Variants in PRKG1 observed in about 807,000 individuals in gnomAD.
PRKG1 encodes cGMP-dependent protein kinase 1.
In PRKG1, 35 loss-of-function variants were observed where a neutral mutation model predicts 88.1. That is an observed-to-expected ratio of 0.40 (90% CI 0.30 to 0.53). PRKG1 has a LOEUF of 0.53. Ranked by LOEUF, PRKG1 falls within the 20% of genes least tolerant of loss-of-function variation. The pLI, the probability that PRKG1 is intolerant of heterozygous loss-of-function variation, is 0.59. For missense variants in PRKG1, 540 were observed against 839.8 expected (o/e 0.64, Z 4.41); for synonymous variants, 303 against 292.5 (o/e 1.04, Z -0.37).
chr10:51,049,863 G>A (rs980355776), intron 1 of PRKG1, among the ~76,000 whole-genome samples: 7 of 151,962 alleles, frequency 4.6e-5, no homozygotes, highest in South Asian at 2.1e-4. Context: ...AATAAAATCC[G>A]AAAGTACCCA....
At chr10:51,851,563 T>G (rs1189115247) in intron 4 of PRKG1, among the ~76,000 whole-genome samples, 3 of 152,306 alleles carry the variant, frequency 2.0e-5, no homozygotes, top group Admixed American at 2.0e-4. Context: ...GTGTATATAC[T>G]TTTTACATTA....
intron 1 of PRKG1, among the ~76,000 whole-genome samples, chr10:51,120,528 A>C (rs1470458203): frequency 6.6e-6 from 1 of 152,090 alleles, no homozygotes. Flanking sequence ...TTTTTGAACA[A>C]AGCTGAAAAG....
chr10:51,577,153 G>A (rs1355854029), intron 3 of PRKG1, among the ~76,000 whole-genome samples: 4 of 151,896 alleles, frequency 2.6e-5, no homozygotes, highest in Admixed American at 2.6e-4. Flanking sequence ...AGCTTTTCCT[G>A]GAGGAACTTA....
chr10:51,356,483 C>T (rs1256295713), intron 2 of PRKG1, among the ~76,000 whole-genome samples: 1 of 152,086 alleles, frequency 6.6e-6, no homozygotes, highest in East Asian at 1.9e-4. Context: ...CTAAACTTCT[C>T]ATGATTTTCT....
At chr10:51,826,945 G>T (rs927130813) in intron 4 of PRKG1, among the ~76,000 whole-genome samples, 1 of 152,104 alleles carries the variant, frequency 6.6e-6, no homozygotes, top group African/African-American at 2.4e-5. Flanking sequence ...AGTTTCCCCT[G>T]AGGAAAAAAT....
chr10:51,628,726 G>A (rs559881799), intron 3 of PRKG1, among the ~76,000 whole-genome samples: 3 of 151,846 alleles, frequency 2.0e-5, no homozygotes, highest in South Asian at 2.1e-4. Context: ...TTGGGAGGCC[G>A]AGGCGGGTGG....
intron 2 of PRKG1, among the ~76,000 whole-genome samples, chr10:51,431,713 T>G (rs1240541572): frequency 6.6e-6 from 1 of 152,160 alleles, no homozygotes; most frequent in African/African-American, 2.4e-5. Flanking sequence ...ACAATTGGCT[T>G]TTGATGAATA....
intron 2 of PRKG1, among the ~76,000 whole-genome samples, chr10:51,193,710 T>C (rs191235750): frequency 6.6e-6 from 1 of 152,082 alleles, no homozygotes; most frequent in Non-Finnish European, 1.5e-5. Context: ...TGGATCCAAC[T>C]TCCCTGTTGC....
intron 9 of PRKG1, among the ~76,000 whole-genome samples, chr10:52,210,066 A>G (rs1260697771): frequency 2.6e-5 from 4 of 152,122 alleles, no homozygotes; most frequent in Non-Finnish European, 5.9e-5. Flanking sequence ...ATTTGATGTG[A>G]AGATTAAATG....
chr10:52,036,030 G>T (rs1845600033), intron 5 of PRKG1, among the ~76,000 whole-genome samples: 1 of 152,150 alleles, frequency 6.6e-6, no homozygotes, highest in African/African-American at 2.4e-5. Context: ...GACATGATTG[G>T]CAGGGAGAGC....
intron 3 of PRKG1, among the ~76,000 whole-genome samples, chr10:51,745,454 A>G (rs1837552116): frequency 2.6e-5 from 4 of 152,198 alleles, no homozygotes; most frequent in Non-Finnish European, 5.9e-5. Context: ...TTTAAATACA[A>G]AAGACTGAAA....
chr10:51,275,526 T>C (rs7477777), intron 2 of PRKG1, among the ~76,000 whole-genome samples: 5,064 of 152,296 alleles, frequency 0.033, 139 homozygotes, highest in South Asian at 0.078. Flanking sequence ...TAAGTCAAGT[T>C]TGAAAGTGCT....
chr10:51,345,225 C>A lies in PRKG1; in HGVS notation c.479-122498C>A, dbSNP rs532775248. Among the ~76,000 whole-genome samples the A allele has an allele frequency of 2.0e-5, 3 of 152,208 alleles. No homozygotes were observed. In the East Asian group the frequency reaches 5.8e-4, roughly 29 times the overall value. On this transcript the variant is annotated intron_variant, in intron 2 of 17. Transcript: ENST00000373980. The stretch of plus-strand genomic sequence containing the variant: ...GTTGCTTCTAACATTGTTGCAAATT[C>A]TTTGCTGATGAGAATAATCAATCAA...
At chr10:51,236,917 C>T (rs942418063) in intron 2 of PRKG1, among the ~76,000 whole-genome samples, 5 of 152,132 alleles carry the variant, frequency 3.3e-5, no homozygotes, top group Non-Finnish European at 5.9e-5. Context: ...CAGTCTTTAT[C>T]CCAGTAGAGT....
rs137867614 is a variant in PRKG1 at position 52,266,154 on chromosome 10, G to T, written c.1174-5196G>T. Among the ~76,000 whole-genome samples the T allele has an allele frequency of 2.3e-3, 346 of 151,066 alleles. 2 individuals are homozygous for T. Among genetic ancestry groups the T allele is most frequent in the African/African-American group, 7.6e-3 (314 of 41,254 alleles). ...TATTATTGACAACTTACGTTAGTAT[G>T]GTACATTTAGTTAATGAACCAATAT... On this transcript the variant is annotated intron_variant, in intron 10 of 17. Coordinates refer to ENST00000373980, the MANE Select transcript of PRKG1 (RefSeq NM_006258.4).
chr10:52,248,147 G>A (rs183415243), intron 9 of PRKG1, among the ~76,000 whole-genome samples: 12 of 152,264 alleles, frequency 7.9e-5, no homozygotes, highest in East Asian at 7.7e-4. Flanking sequence ...CGCCCTGGGC[G>A]GGCCAGGTGT....
intron 3 of PRKG1, among the ~76,000 whole-genome samples, chr10:51,681,724 TTAAG>T (rs372641500): frequency 3.3e-5 from 5 of 152,262 alleles, no homozygotes; most frequent in African/African-American, 7.2e-5. Context: ...ACTATTTTCT[TTAAG>T]TAAGGCTCAG....
intron 8 of PRKG1, among the ~76,000 whole-genome samples, chr10:52,151,704 T>C (rs76417547): frequency 0.01 from 1,550 of 152,292 alleles, 31 homozygotes; most frequent in African/African-American, 0.035. Context: ...AGTTGAGAGA[T>C]ATTTATTTTT....
chr10:52,094,229 C>T (rs1417398979), intron 7 of PRKG1, among the ~76,000 whole-genome samples: 1 of 152,134 alleles, frequency 6.6e-6, no homozygotes, highest in Admixed American at 6.6e-5. Context: ...TGAAATTCAC[C>T]TAGATCTGTA....
Sources: gnomAD v4.1 joint callset for allele counts (sites outside exome capture counted in the v4.1 genomes callset) on GRCh38, gnomAD v4.1.1 for gene constraint, MANE v1.5 for transcripts, NCBI Gene and HGNC (gene_info 2026-07-23, HGNC 2026-07-21) for gene names.